CNBD2: variants seen among roughly 807,000 people sequenced by gnomAD.
The protein encoded by CNBD2 is cyclic nucleotide-binding domain-containing protein 2.
A neutral mutation model predicts 63.7 loss-of-function variants in CNBD2; 64 were observed. The ratio of observed to expected loss-of-function variants is 1.00; its 90% CI spans 0.82 to 1.24. The LOEUF is 1.24. Among genes scored for constraint, CNBD2 ranks in the 50% most tolerant of loss-of-function variants. The pLI is 0.00. For synonymous variants in CNBD2, 229 were observed against 255.4 expected, an observed-to-expected ratio of 0.90 and a Z score of 0.99; for missense variants, 691 against 713.5, an observed-to-expected ratio of 0.97 and a Z score of 0.36.
exon 1 of CNBD2, chr20:35,954,841 G>A: frequency 3.2e-6 from 1 of 312,528 alleles, no homozygotes; most frequent in Non-Finnish European, 6.5e-6. Context: ...TTAGGGTGAC[G>A]GCTGGCCGGG....
intron 10 of CNBD2, among the ~76,000 whole-genome samples, chr20:36,022,113 A>C (rs1022805778): frequency 1.0e-4 from 15 of 149,130 alleles, no homozygotes; most frequent in African/African-American, 3.5e-4. Context: ...GATTGAAATG[A>C]TTCCCCTGCC....
intron 6 of CNBD2, among the ~76,000 whole-genome samples, chr20:35,985,487 C>CTTTT (rs376746279): frequency 3.0e-5 from 4 of 134,170 alleles, no homozygotes; most frequent in Non-Finnish European, 6.4e-5. Context: ...ACTATAATTC[C>CTTTT]TTTTTTTTTT....
At chr20:36,011,506 G>T (rs2057061408) in intron 10 of CNBD2, among the ~76,000 whole-genome samples, 1 of 152,112 alleles carries the variant, frequency 6.6e-6, no homozygotes, top group South Asian at 2.1e-4. Context: ...CCAACATGGT[G>T]AAACCCTGTC....
At chr20:35,972,122 C>T (rs1568851752) in intron 1 of CNBD2, among the ~76,000 whole-genome samples, 1 of 152,138 alleles carries the variant, frequency 6.6e-6, no homozygotes, top group East Asian at 1.9e-4. Context: ...GTGAGCATTC[C>T]TTTCTCAAGG....
chr20:35,981,584 C>T (rs909031011), intron 4 of CNBD2, among the ~76,000 whole-genome samples: 1 of 152,034 alleles, frequency 6.6e-6, no homozygotes, highest in African/African-American at 2.4e-5. Flanking sequence ...AAGGGGTAGG[C>T]ATCACCATTC....
intron 7 of CNBD2, among the ~76,000 whole-genome samples, chr20:35,988,636 T>C (rs898108529): frequency 3.2e-4 from 48 of 152,190 alleles, no homozygotes; most frequent in African/African-American, 1.1e-3. Context: ...AAAGGGGCCA[T>C]AGCCATAGGT....
At chr20:35,977,887 A>G (rs1410129692) in intron 3 of CNBD2, among the ~76,000 whole-genome samples, 1 of 152,252 alleles carries the variant, frequency 6.6e-6, no homozygotes, top group East Asian at 1.9e-4. Flanking sequence ...GACATATAAT[A>G]TATAGTACAC....
chr20:35,987,007 T>C (rs12624396), intron 6 of CNBD2, among the ~76,000 whole-genome samples: 2,108 of 152,034 alleles, frequency 0.014, 123 homozygotes, highest in East Asian at 0.1. Context: ...AACCGCTAAG[T>C]TGGGGGACAG....
chr20:35,964,134 A>C (rs1048364164), upstream of CNBD2, among the ~76,000 whole-genome samples: 5 of 151,642 alleles, frequency 3.3e-5, no homozygotes, highest in Non-Finnish European at 2.9e-5. Flanking sequence ...CGTTTTAGCT[A>C]TGTCTCATGC....
chr20:35,971,979 G>A (rs185761609), intron 1 of CNBD2, among the ~76,000 whole-genome samples: 1 of 152,226 alleles, frequency 6.6e-6, no homozygotes, highest in East Asian at 1.9e-4. Flanking sequence ...CTTGGATTAG[G>A]TGTTATATAA....
chr20:35,993,850 C>CAGCTAA (rs1300278938), intron 7 of CNBD2, among the ~76,000 whole-genome samples: 1 of 150,406 alleles, frequency 6.6e-6, no homozygotes, highest in Non-Finnish European at 1.5e-5. Flanking sequence ...CCACCATGCC[C>CAGCTAA]AGCTAATTCA....
intron 11 of CNBD2, among the ~76,000 whole-genome samples, chr20:36,029,207 T>C (rs1891154): frequency 6.6e-6 from 1 of 151,982 alleles, no homozygotes; most frequent in Non-Finnish European, 1.5e-5. Flanking sequence ...TCACATGCTT[T>C]CCCCCTCCTA....
At chr20:36,012,383 C>A (rs1002515433) in intron 10 of CNBD2, among the ~76,000 whole-genome samples, 3 of 150,688 alleles carry the variant, frequency 2.0e-5, no homozygotes, top group African/African-American at 7.3e-5. Flanking sequence ...GAGGCTGAGG[C>A]ACAAGAATTG....
intron 2 of CNBD2, among the ~76,000 whole-genome samples, chr20:35,975,394 G>A (rs1241577297): frequency 8.2e-5 from 9 of 110,064 alleles, no homozygotes; most frequent in African/African-American, 2.2e-4. Flanking sequence ...TCCGCCTCCC[G>A]GGTTCACGCC....
At chr20:35,998,146 A>G (rs1281698424) in intron 8 of CNBD2, among the ~76,000 whole-genome samples, 1 of 150,702 alleles carries the variant, frequency 6.6e-6, no homozygotes, top group Non-Finnish European at 1.5e-5. Flanking sequence ...GGTTCGAGCA[A>G]TTCTCCTGCC....
intron 1 of CNBD2, among the ~76,000 whole-genome samples, chr20:35,971,075 G>A (rs2147197147): frequency 6.7e-6 from 1 of 150,094 alleles, no homozygotes; most frequent in South Asian, 2.1e-4. Flanking sequence ...AGCCTCCCAA[G>A]TAGCTGGGAC....
intron 3 of CNBD2, 55 bp from the exon 4 acceptor site, chr20:35,980,404 G>A (rs1323888916): frequency 1.2e-5 from 19 of 1,562,544 alleles, no homozygotes; most frequent in Non-Finnish European, 1.6e-5. Flanking sequence ...GTTGCCCGCT[G>A]GCCCATGGGT....
intron 11 of CNBD2, 129 bp downstream of exon 11, chr20:36,023,900 G>A: frequency 2.7e-6 from 2 of 737,172 alleles, no homozygotes; most frequent in Non-Finnish European, 2.2e-6. Flanking sequence ...GGAGTTGTTG[G>A]TACACTCTAG....
At chr20:35,988,046 T>G (rs1568878934) in intron 7 of CNBD2, among the ~76,000 whole-genome samples, 2 of 151,906 alleles carry the variant, frequency 1.3e-5, no homozygotes, top group Non-Finnish European at 2.9e-5. Flanking sequence ...ATTTTTGTAC[T>G]TTTAGTAGAG....
Sources: allele counts gnomAD v4.1 joint callset (sites outside exome capture counted in the v4.1 genomes callset), GRCh38; gene constraint gnomAD v4.1.1; transcripts MANE v1.5; gene names NCBI Gene and HGNC (gene_info 2026-07-23, HGNC 2026-07-21).